TAFA4: variants seen among roughly 807,000 people sequenced by gnomAD.
TAFA4 encodes the protein chemokine-like protein TAFA-4.
TAFA4 carries 20 observed loss-of-function variants against 21.1 expected under a neutral mutation model. The observed-to-expected ratio is 0.95, with a 90% CI of 0.67 to 1.38. TAFA4 has a LOEUF of 1.38. TAFA4 is among the 40% of genes most tolerant of loss of function. The probability of loss-of-function intolerance (pLI) is 0.00; values close to 1 mark genes in which losing one functional copy is unlikely to be tolerated. For synonymous variants in TAFA4, 71 were observed against 67.4 expected, an observed-to-expected ratio of 1.05 and a Z score of -0.26; for missense variants, 211 against 180.9, an observed-to-expected ratio of 1.17 and a Z score of -0.95.
chr3:68,872,191 CAT>C (rs148716901), intron 3 of TAFA4, among the ~76,000 whole-genome samples: 3,252 of 150,856 alleles, frequency 0.022, 122 homozygotes, highest in African/African-American at 0.075. Context: ...AAATGTGGTA[CAT>C]ATATATATAT....
At chr3:68,799,168 T>G (rs1703517822) in intron 3 of TAFA4, among the ~76,000 whole-genome samples, 1 of 152,122 alleles carries the variant, frequency 6.6e-6, no homozygotes, top group Non-Finnish European at 1.5e-5. Context: ...TTGTCTTACC[T>G]GGTATCTTAG....
chr3:68,830,345 A>G (rs1704354176), intron 3 of TAFA4, among the ~76,000 whole-genome samples: 1 of 152,192 alleles, frequency 6.6e-6, no homozygotes, highest in Non-Finnish European at 1.5e-5. Flanking sequence ...ATTTCCCTCA[A>G]CATACTGCTG....
At chr3:68,831,059 C>T (rs1704375940) in intron 3 of TAFA4, among the ~76,000 whole-genome samples, 1 of 152,134 alleles carries the variant, frequency 6.6e-6, no homozygotes, top group Non-Finnish European at 1.5e-5. Flanking sequence ...TCCTCCACCT[C>T]TTTATTTTGA....
intron 3 of TAFA4, among the ~76,000 whole-genome samples, chr3:68,869,690 T>A (rs2089461034): frequency 6.6e-6 from 1 of 151,950 alleles, no homozygotes; most frequent in Admixed American, 6.6e-5. Flanking sequence ...CTCAACAAAT[T>A]GGGTACAGAA....
intron 3 of TAFA4, among the ~76,000 whole-genome samples, chr3:68,779,541 T>C (rs2106794153): frequency 6.6e-6 from 1 of 152,144 alleles, no homozygotes; most frequent in East Asian, 1.9e-4. Flanking sequence ...CCCTGCATCC[T>C]AACTGCTCCA....
chr3:68,754,116 A>T (rs978590991), intron 3 of TAFA4, among the ~76,000 whole-genome samples: 1 of 152,230 alleles, frequency 6.6e-6, no homozygotes, highest in Non-Finnish European at 1.5e-5. Context: ...TTCAGACATG[A>T]TGCCCCTTTA....
At chr3:68,742,204 G>GGAATGTA (rs1158298092) in intron 4 of TAFA4, among the ~76,000 whole-genome samples, 8 of 152,066 alleles carry the variant, frequency 5.3e-5, no homozygotes, top group Admixed American at 1.3e-4. Context: ...TTATACAGAA[G>GGAATGTA]GAATGTACTT....
At chr3:68,855,169 A>G (rs776214080) in intron 3 of TAFA4, among the ~76,000 whole-genome samples, 3 of 152,210 alleles carry the variant, frequency 2.0e-5, no homozygotes, top group South Asian at 2.1e-4. Context: ...TTCTAAACCA[A>G]CACCAAAGAG....
intron 3 of TAFA4, among the ~76,000 whole-genome samples, chr3:68,770,083 G>T (rs1181554897): frequency 6.6e-6 from 1 of 151,840 alleles, no homozygotes; most frequent in African/African-American, 2.4e-5. Flanking sequence ...CAGGAAATCA[G>T]ATCCATGAAA....
intron 3 of TAFA4, among the ~76,000 whole-genome samples, chr3:68,809,519 ATT>A (rs200107940): frequency 0.096 from 12,243 of 126,920 alleles, 600 homozygotes; most frequent in African/African-American, 0.17. Context: ...CACTATGTTG[ATT>A]TTTTTTTTTT....
chr3:68,820,513 A>C (rs1419228821), intron 3 of TAFA4, among the ~76,000 whole-genome samples: 1 of 149,374 alleles, frequency 6.7e-6, no homozygotes, highest in Non-Finnish European at 1.5e-5. Context: ...TCATCCTACC[A>C]AAAAAAAAAT....
intron 3 of TAFA4, among the ~76,000 whole-genome samples, chr3:68,875,274 C>T (rs1038102760): frequency 4.0e-5 from 6 of 151,096 alleles, no homozygotes; most frequent in Non-Finnish European, 7.4e-5. Context: ...TCATCTTTGG[C>T]TGCAGGTCTG....
In TAFA4 at chr3:68,780,285, C is replaced by T. The variant is rs554224835; in HGVS notation, c.131-27267G>A. On this transcript the variant is annotated intron_variant, in intron 3 of 5. Coordinates refer to ENST00000295569, the MANE Select transcript of TAFA4 (RefSeq NM_182522.5). Reference sequence around the variant, plus strand: ...AATGGACTGTGAACTTTTGAGTTAACGCTGAAATGAGTTAAGACTTTGGGA... The same window carrying T: ...AATGGACTGTGAACTTTTGAGTTAATGCTGAAATGAGTTAAGACTTTGGGA... Among the ~76,000 whole-genome samples the T allele has an allele frequency of 1.6e-4, 24 of 152,198 alleles. No homozygotes were observed. In the South Asian group the frequency reaches 1.9e-3, roughly 12 times the overall value.
intron 1 of TAFA4, among the ~76,000 whole-genome samples, chr3:68,907,515 C>G (rs1159364889): frequency 6.6e-6 from 1 of 152,206 alleles, no homozygotes; most frequent in Non-Finnish European, 1.5e-5. Context: ...AGGTCTGACG[C>G]CTGGAGAGGG....
At chr3:68,851,305 T>C (rs888852669) in intron 3 of TAFA4, among the ~76,000 whole-genome samples, 3 of 151,736 alleles carry the variant, frequency 2.0e-5, no homozygotes, top group Admixed American at 1.3e-4. Flanking sequence ...TACATGGACA[T>C]AGGGAGGGGA....
At chr3:68,804,727 T>G (rs1703655668) in intron 3 of TAFA4, among the ~76,000 whole-genome samples, 1 of 152,166 alleles carries the variant, frequency 6.6e-6, no homozygotes, top group Non-Finnish European at 1.5e-5. Flanking sequence ...TAATAAATGG[T>G]GCTGGGAAAC....
At chr3:68,820,206 C>T (rs1704082320) in intron 3 of TAFA4, among the ~76,000 whole-genome samples, 1 of 152,080 alleles carries the variant, frequency 6.6e-6, no homozygotes, top group Non-Finnish European at 1.5e-5. Flanking sequence ...TATTGTATGA[C>T]CTCAGTTACT....
chr3:68,763,159 T>C (rs940289735), intron 3 of TAFA4, among the ~76,000 whole-genome samples: 1 of 152,206 alleles, frequency 6.6e-6, no homozygotes, highest in African/African-American at 2.4e-5. Context: ...AACTGAAATA[T>C]TCAAAAGAGA....
chr3:68,821,334 T>A lies in TAFA4; in HGVS notation c.130+59396A>T, dbSNP rs1284149121. On this transcript the variant is annotated intron_variant, in intron 3 of 5. Transcript: ENST00000295569. ...TGTAGACAACCTCCCTGCTTTTTTT[T>A]TTTTTTTTTTTTTTTTTTTTTTTTT... Among the ~76,000 whole-genome samples the A allele has an allele frequency of 1.9e-3, 2 of 1,060 alleles. 1 individual carries two copies. The highest frequency in any genetic ancestry group is 5.8e-3 in the Non-Finnish European group (2 of 346). 0.7% of individuals were successfully genotyped at this position (1,060 alleles called of 152,430 possible).
Sources: allele counts gnomAD v4.1 joint callset (sites outside exome capture counted in the v4.1 genomes callset), GRCh38; gene constraint gnomAD v4.1.1; transcripts MANE v1.5; gene names NCBI Gene and HGNC (gene_info 2026-07-23, HGNC 2026-07-21).